The following SLC8A1 variants were observed in gnomAD, a reference collection of about 807,000 sequenced individuals.
The protein encoded by SLC8A1 is solute carrier family 8 member A1.
A neutral mutation model predicts 68.3 loss-of-function variants in SLC8A1; 18 were observed. The ratio of observed to expected loss-of-function variants is 0.26; its 90% CI spans 0.18 to 0.39. The LOEUF (loss-of-function observed/expected upper bound fraction) is 0.39, where lower values mean the gene tolerates loss of function less well. SLC8A1 is among the 10% of genes least tolerant of loss of function. The pLI is 1.00. For synonymous variants in SLC8A1, 475 were observed against 415.5 expected (o/e 1.14, Z -1.74); for missense variants, 985 against 1,156.7 (o/e 0.85, Z 2.15).
chr2:40,215,737 C>G (rs2057372865), intron 2 of SLC8A1, among the ~76,000 whole-genome samples: 1 of 151,694 alleles, frequency 6.6e-6, no homozygotes, highest in South Asian at 2.1e-4. Context: ...TTCAAGCAAT[C>G]CTCCTGTATC....
chr2:40,146,642 G>A (rs1355466843), intron 6 of SLC8A1, among the ~76,000 whole-genome samples: 1 of 119,820 alleles, frequency 8.3e-6, no homozygotes, highest in Admixed American at 8.4e-5. Context: ...ATGGGAGGCA[G>A]TGAAAGATCG....
chr2:40,147,427 A>G (rs890367271), intron 6 of SLC8A1, among the ~76,000 whole-genome samples: 17 of 152,192 alleles, frequency 1.1e-4, no homozygotes, highest in African/African-American at 3.4e-4. Flanking sequence ...AAATAGGGAA[A>G]CATTCCCTGT....
chr2:40,278,699 G>A (rs1269760877), intron 2 of SLC8A1, among the ~76,000 whole-genome samples: 2 of 151,830 alleles, frequency 1.3e-5, no homozygotes, highest in Non-Finnish European at 2.9e-5. Context: ...ACACTGATGG[G>A]GTACGTGGAC....
chr2:40,278,977 A>G (rs1371610093), intron 2 of SLC8A1, among the ~76,000 whole-genome samples: 1 of 152,182 alleles, frequency 6.6e-6, no homozygotes, highest in Admixed American at 6.5e-5. Context: ...TTCCAGAGCC[A>G]TGGAATTTTA....
At chr2:40,171,410 A>T (rs2047470307) in intron 4 of SLC8A1, among the ~76,000 whole-genome samples, 1 of 152,214 alleles carries the variant, frequency 6.6e-6, no homozygotes, top group Non-Finnish European at 1.5e-5. Flanking sequence ...AGTTTTGGGG[A>T]TCAAACTTAC....
chr2:40,483,720 G>A (rs534327703), intron 1 of SLC8A1, among the ~76,000 whole-genome samples: 10 of 152,266 alleles, frequency 6.6e-5, no homozygotes, highest in African/African-American at 2.2e-4. Flanking sequence ...GATGGCTGAC[G>A]TACTTCCTTT....
chr2:40,132,755 G>A (rs762777446), intron 7 of SLC8A1, among the ~76,000 whole-genome samples: 1 of 147,854 alleles, frequency 6.8e-6, no homozygotes, highest in African/African-American at 2.5e-5. Context: ...GGATCTAAGC[G>A]TCAAAAAAAA....
chr2:40,243,757 C>T (rs2061497610), intron 2 of SLC8A1, among the ~76,000 whole-genome samples: 1 of 152,170 alleles, frequency 6.6e-6, no homozygotes, highest in African/African-American at 2.4e-5. Context: ...AGTGGGAAGG[C>T]ACCAACTCTG....
At chr2:40,154,618 C>T (rs994550553) in intron 6 of SLC8A1, among the ~76,000 whole-genome samples, 7 of 150,434 alleles carry the variant, frequency 4.7e-5, no homozygotes, top group African/African-American at 7.3e-5. Flanking sequence ...TGAGCCACTG[C>T]GCCCAGCCAA....
rs370006606 is a variant in SLC8A1 at position 40,174,878 on chromosome 2, T to G, written c.1913-36A>C. ...AAAAAACAACAACAAATGTTATAAT[T>G]TGACACTCTACATAACAAATACCAG... On this transcript the variant is annotated intron_variant, in intron 3 of 7. Coordinates refer to ENST00000406785, the Ensembl canonical transcript of SLC8A1. The G allele has an allele frequency of 3.8e-6, 6 of 1,591,852 alleles. No homozygotes were observed. The African/African-American group carries it at 8.1e-5, about 21-fold the overall frequency.
intron 2 of SLC8A1, among the ~76,000 whole-genome samples, chr2:40,378,665 T>C (rs566737161): frequency 3.3e-5 from 5 of 152,216 alleles, no homozygotes; most frequent in East Asian, 1.9e-4. Flanking sequence ...AAGCTGCCCG[T>C]CATCTGCAGA....
intron 1 of SLC8A1, among the ~76,000 whole-genome samples, chr2:40,472,903 A>G (rs1316351261): frequency 6.6e-6 from 1 of 152,314 alleles, no homozygotes; most frequent in African/African-American, 2.4e-5. Context: ...TGTGGAGCTC[A>G]TGGCTTAGAA....
At position 40,254,380 on chromosome 2, in the gene SLC8A1, TTAAGTTG is replaced by T. The variant is rs2063524624; in HGVS notation, c.1809-76532_1809-76526del. The T allele has an allele frequency of 5.4e-5, 8 of 148,524 alleles. No individual in the cohort carries two copies. In the South Asian group the frequency reaches 1.5e-3, roughly 28 times the overall value. The allele number at this position is 148,524 out of a possible 1,614,324, so 9.2% of individuals were successfully genotyped here. A position where few individuals can be genotyped will look rare whatever the true frequency, so the allele number is the denominator to read the frequency against. On this transcript the variant is annotated intron_variant, in intron 2 of 7. Coordinates refer to ENST00000406785, the Ensembl canonical transcript of SLC8A1. Reference sequence around the variant, plus strand: ...ATATCCTTTTTCTATCAAAATGCTCTTAAGTTGTAAATCATGCTTTTTTGTTTTTTTT... The same window carrying T: ...ATATCCTTTTTCTATCAAAATGCTCTTAAATCATGCTTTTTTGTTTTTTTT...
chr2:40,189,339 G>A (rs1021738154), intron 2 of SLC8A1, among the ~76,000 whole-genome samples: 2 of 152,018 alleles, frequency 1.3e-5, no homozygotes, highest in Non-Finnish European at 2.9e-5. Context: ...GTTTATTATC[G>A]AGACGGAGTC....
At chr2:40,327,109 A>G (rs1245200268) in intron 2 of SLC8A1, among the ~76,000 whole-genome samples, 1 of 152,228 alleles carries the variant, frequency 6.6e-6, no homozygotes. Context: ...ATATAATTTT[A>G]ATTTATTCCC....
Position 40,200,188 on chromosome 2 carries a change from ATATT to A in SLC8A1, c.1809-22337_1809-22334del, listed in dbSNP as rs1255534782. Among the ~76,000 whole-genome samples, 6 of 10,164 alleles carry A rather than the reference ATATT, an allele frequency of 5.9e-4. 2 individuals carry two copies. The highest frequency in any genetic ancestry group is 5.8e-3 in the South Asian group (3 of 516). The allele number at this position is 10,164 out of a possible 152,430, so 6.7% of individuals were successfully genotyped here. On this transcript the variant is annotated intron_variant, in intron 2 of 7. Transcript: ENST00000406785. ...TCAAGTCATTGATATATATATATAT[ATATT>A]TATATATATATATAAATATATATAT...
At chr2:40,189,858 G>A (rs2051427357) in intron 2 of SLC8A1, 1 of 152,046 alleles carries the variant, frequency 6.6e-6, no homozygotes, top group African/African-American at 2.4e-5. Context: ...CACATGCTTG[G>A]GCCCCACTCT....
chr2:40,236,889 G>C (rs1261504305), intron 2 of SLC8A1, among the ~76,000 whole-genome samples: 3 of 151,596 alleles, frequency 2.0e-5, no homozygotes, highest in Non-Finnish European at 4.4e-5. Flanking sequence ...TGAAATTCTG[G>C]GTTGAAAATT....
Position 40,483,478 on chromosome 2 carries a change from C to A in SLC8A1, c.-25+28871G>T, listed in dbSNP as rs137942038. On this transcript the variant is annotated intron_variant, in intron 1 of 7. Transcript: ENST00000402441. ...TTCAGCACTTGGAGAGGAGAGAAAG[C>A]ACAATCCTAACCTCCGCAAGAGAAT... Among the ~76,000 whole-genome samples the A allele has an allele frequency of 8.8e-3, 1,337 of 152,178 alleles. 11 individuals carry two copies. The highest frequency in any genetic ancestry group is 0.024 in the African/African-American group (976 of 41,500).
Sources: allele counts gnomAD v4.1 joint callset (sites outside exome capture counted in the v4.1 genomes callset), GRCh38; gene constraint gnomAD v4.1.1; transcripts MANE v1.5; gene names NCBI Gene and HGNC (gene_info 2026-07-23, HGNC 2026-07-21).